ADAMTS3: variants seen among roughly 807,000 people sequenced by gnomAD.
The protein encoded by ADAMTS3 is ADAM metallopeptidase with thrombospondin type 1 motif 3, also known as A disintegrin and metalloproteinase with thrombospondin motifs 3.
In ADAMTS3, 73 loss-of-function variants were observed where a neutral mutation model predicts 129.0. The ratio of observed to expected loss-of-function variants is 0.57; its 90% CI spans 0.47 to 0.69. The LOEUF (loss-of-function observed/expected upper bound fraction) is 0.69, where lower values mean the gene tolerates loss of function less well. ADAMTS3 is among the 30% of genes least tolerant of loss of function. ADAMTS3 has a pLI of 0.00. For missense variants in ADAMTS3, 1,457 were observed against 1,514.5 expected (o/e 0.96, Z 0.63); for synonymous variants, 477 against 510.8 (o/e 0.93, Z 0.89).
chr4:72,446,955 G>T (rs1441515781), intron 3 of ADAMTS3, among the ~76,000 whole-genome samples: 1 of 151,586 alleles, frequency 6.6e-6, no homozygotes, highest in Non-Finnish European at 1.5e-5. Context: ...TACATGGAAA[G>T]AAAAGAAACA....
chr4:72,555,018 A>C (rs1052704679), intron 2 of ADAMTS3, among the ~76,000 whole-genome samples: 2 of 151,824 alleles, frequency 1.3e-5, no homozygotes, highest in African/African-American at 4.9e-5. Context: ...TATTCAATAA[A>C]TGCTGGCAAT....
chr4:72,323,397 C>T (rs566382600), intron 5 of ADAMTS3, among the ~76,000 whole-genome samples: 2 of 152,312 alleles, frequency 1.3e-5, no homozygotes, highest in Non-Finnish European at 2.9e-5. Context: ...CCAAATATAA[C>T]ATTAGCCAAA....
intron 3 of ADAMTS3, among the ~76,000 whole-genome samples, chr4:72,530,143 A>ATATTG (rs1361045644): frequency 1.0e-4 from 7 of 69,574 alleles, no homozygotes; most frequent in East Asian, 9.1e-4. Context: ...AATATATATT[A>ATATTG]TATATTAAAT....
rs1719270792 is a variant in ADAMTS3 at position 72,312,540 on chromosome 4, G to C, written c.1746-74C>G. The C allele has an allele frequency of 2.7e-6, 4 of 1,479,226 alleles. No homozygotes were observed. In the African/African-American group the frequency reaches 4.2e-5, roughly 16 times the overall value. 91.6% of individuals were successfully genotyped at this position (1,479,226 alleles called of 1,614,324 possible). ...GTTGAAGCTTGCAGACACAGTGCTT[G>C]AGGGCACAAAGCCAAAGTTTCTGGG... On this transcript the variant is annotated intron_variant, in intron 12 of 21. Coordinates refer to ENST00000286657, the MANE Select transcript of ADAMTS3 (RefSeq NM_014243.3).
chr4:72,391,567 G>A (rs6829695), intron 4 of ADAMTS3, among the ~76,000 whole-genome samples: 129,503 of 152,136 alleles, frequency 0.85, 57,141 homozygotes, highest in East Asian at 1. Flanking sequence ...AACATTTTAA[G>A]CAGGGACCAA....
chr4:72,338,374 A>G (rs1231373658), intron 5 of ADAMTS3, among the ~76,000 whole-genome samples: 1 of 152,190 alleles, frequency 6.6e-6, no homozygotes, highest in African/African-American at 2.4e-5. Context: ...TTTGGTCTTC[A>G]TAACAGAAAT....
chr4:72,483,585 A>G (rs1299061094), intron 3 of ADAMTS3, among the ~76,000 whole-genome samples: 1 of 152,200 alleles, frequency 6.6e-6, no homozygotes, highest in African/African-American at 2.4e-5. Context: ...CCCCAGTCTC[A>G]AGTGTAGGAC....
intron 4 of ADAMTS3, among the ~76,000 whole-genome samples, chr4:72,392,040 C>T (rs550560212): frequency 3.3e-5 from 5 of 152,278 alleles, no homozygotes; most frequent in Admixed American, 2.0e-4. Flanking sequence ...CTATGCTGAG[C>T]ACATGAGTAT....
rs564152259 is a variant in ADAMTS3 at position 72,546,967 on chromosome 4, G to A, written c.504+1511C>T. Among the ~76,000 whole-genome samples, 95 of 152,274 alleles carry A rather than the reference G, an allele frequency of 6.2e-4. 1 individual carries two copies. The highest frequency in any genetic ancestry group is 2.1e-3 in the African/African-American group (86 of 41,566). On this transcript the variant is annotated intron_variant, in intron 3 of 21. Coordinates refer to ENST00000286657, the MANE Select transcript of ADAMTS3 (RefSeq NM_014243.3). ...CCTTGCCAAAGACCACCAGAAGCAC[G>A]TCTTTAGTTAACAAGCTGGGTTTGT... is the stretch of plus-strand genomic sequence containing the variant.
chr4:72,561,615 T>C (rs1721906761), intron 2 of ADAMTS3, among the ~76,000 whole-genome samples: 2 of 152,342 alleles, frequency 1.3e-5, no homozygotes, highest in South Asian at 4.1e-4. Flanking sequence ...ATTCTTTTTG[T>C]TTGCATATCT....
At chr4:72,394,356 T>A (rs538540403) in intron 4 of ADAMTS3, among the ~76,000 whole-genome samples, 61 of 152,304 alleles carry the variant, frequency 4.0e-4, no homozygotes, top group South Asian at 2.5e-3. Flanking sequence ...AGTCCAGTCA[T>A]GTGCTTTCAC....
intron 3 of ADAMTS3, among the ~76,000 whole-genome samples, chr4:72,464,937 A>G (rs1333658565): frequency 1.3e-5 from 2 of 152,040 alleles, no homozygotes; most frequent in Non-Finnish European, 2.9e-5. Context: ...GTATTCATTC[A>G]TCCTCTGAGC....
rs1347767727 is a variant in ADAMTS3, at chr4:72,448,499, AT to A, written c.505-33529del. ...GATTACTTAAGATTAGTCACTCTGCATGAAAACTTGGCATGTCCTGAAATCA... is the reference window on the plus strand; with the variant it reads ...GATTACTTAAGATTAGTCACTCTGCAGAAAACTTGGCATGTCCTGAAATCA... On this transcript the variant is annotated intron_variant, in intron 3 of 21. Coordinates refer to ENST00000286657, the MANE Select transcript of ADAMTS3 (RefSeq NM_014243.3). Among the ~76,000 whole-genome samples the A allele has an allele frequency of 2.0e-5, 3 of 151,928 alleles. No individual in the cohort carries two copies. In the East Asian group the frequency reaches 5.9e-4, roughly 30 times the overall value.
chr4:72,495,189 C>T (rs992609286), intron 3 of ADAMTS3, among the ~76,000 whole-genome samples: 1 of 152,116 alleles, frequency 6.6e-6, no homozygotes, highest in African/African-American at 2.4e-5. Context: ...ACAACCACAG[C>T]ACTTGGAACC....
chr4:72,366,117 C>A (rs1177911820), intron 4 of ADAMTS3, among the ~76,000 whole-genome samples: 1 of 152,098 alleles, frequency 6.6e-6, no homozygotes, highest in Non-Finnish European at 1.5e-5. Context: ...TCTTCAAGGG[C>A]ACAGTATTCA....
chr4:72,298,402 T>C lies in ADAMTS3; in HGVS notation c.2465A>G (p.Tyr822Cys), dbSNP rs770065467. ...AGAGTCTTCATGGATGATGTACTTA[T>C]ATGTCAGGCTAGAGCGGGTATCATT... ...QENDTRSSLTYKYIIHEDSVP... is the reference protein window; with the variant it reads ...QENDTRSSLTCKYIIHEDSVP... Residue 822 changes from tyrosine (Y) to cysteine (C), a missense_variant, in exon 18 of 22, where the codon TAT becomes TGT. By Grantham distance (194) the Tyr-to-Cys change is radical (BLOSUM62 -2). Transcript: ENST00000286657. 12 of 1,611,922 alleles carry C rather than the reference T, an allele frequency of 7.4e-6. No individual in the cohort carries two copies. In the Middle Eastern group the frequency reaches 6.6e-4, roughly 88 times the overall value.
rs190923557 is a variant in ADAMTS3 at position 72,318,940 on chromosome 4, C to T, written c.1353-236G>A. Among the ~76,000 whole-genome samples, 46 of 152,186 alleles carry T rather than the reference C, an allele frequency of 3.0e-4. No homozygotes were observed. The South Asian group carries it at 3.3e-3, about 11-fold the overall frequency. ...ATGACTTAGGAATGTAGTAGAGCCACGATTATTTGAGTCACTAATTAAACC... is the reference window on the plus strand; with the variant it reads ...ATGACTTAGGAATGTAGTAGAGCCATGATTATTTGAGTCACTAATTAAACC... On this transcript the variant is annotated intron_variant, in intron 9 of 21. Transcript: ENST00000286657.
At chr4:72,439,855 T>C (rs746132629) in intron 3 of ADAMTS3, among the ~76,000 whole-genome samples, 33 of 151,302 alleles carry the variant, frequency 2.2e-4, no homozygotes, top group Non-Finnish European at 3.8e-4. Flanking sequence ...CTTTAAAATA[T>C]ATTTCCAAAG....
At chr4:72,504,927 T>C (rs1720118118) in intron 3 of ADAMTS3, among the ~76,000 whole-genome samples, 2 of 152,346 alleles carry the variant, frequency 1.3e-5, no homozygotes, top group Non-Finnish European at 2.9e-5. Context: ...AATTGATTTC[T>C]TTTTAAGATG....
Sources: gnomAD v4.1 joint callset for allele counts (sites outside exome capture counted in the v4.1 genomes callset) on GRCh38, gnomAD v4.1.1 for gene constraint, MANE v1.5 for transcripts, NCBI Gene and HGNC (gene_info 2026-07-23, HGNC 2026-07-21) for gene names.